RNF111: variants seen among roughly 807,000 people sequenced by gnomAD.
RNF111 encodes the protein E3 ubiquitin-protein ligase Arkadia.
In RNF111, 17 loss-of-function variants were observed where a neutral mutation model predicts 95.1. The observed-to-expected ratio is 0.18, with a 90% confidence interval of 0.12 to 0.27. The LOEUF is 0.27. Among genes scored for constraint, RNF111 ranks in the 10% least tolerant of loss-of-function variants. RNF111 has a pLI of 1.00. For missense variants in RNF111, 1,189 were observed against 1,210.4 expected (o/e 0.98, Z 0.26); for synonymous variants, 440 against 414.8 (o/e 1.06, Z -0.74).
At position 59,096,924 on chromosome 15, in the gene RNF111, T is replaced by G. The variant is rs1342459243; in HGVS notation, c.*2024T>G. 2 of 152,224 alleles carry G rather than the reference T, an allele frequency of 1.3e-5. No individual in the cohort carries two copies. The highest frequency in any genetic ancestry group is 2.9e-5 in the Non-Finnish European group (2 of 68,048). The allele number at this position is 152,224 out of a possible 1,614,324, so 9.4% of individuals were successfully genotyped here. ...AGTAAAGCACAGGTGGATTTCTCTA[T>G]TTTTGAATACTACATCAGATTTAGA... On this transcript the variant is annotated 3_prime_UTR_variant, in exon 14 of 14. Coordinates refer to ENST00000348370, the MANE Select transcript of RNF111 (RefSeq NM_017610.8).
At chr15:59,020,092 A>G (rs1343016201) in intron 1 of RNF111, among the ~76,000 whole-genome samples, 1 of 148,806 alleles carries the variant, frequency 6.7e-6, no homozygotes, top group East Asian at 1.9e-4. Context: ...ATTTTGTGTT[A>G]TATAAGATAT....
At chr15:59,059,962 G>C (rs17236411) in intron 5 of RNF111, among the ~76,000 whole-genome samples, 1,888 of 152,238 alleles carry the variant, frequency 0.012, 28 homozygotes, top group East Asian at 0.043. Context: ...ACATCTAGCA[G>C]ATTAGAAAAC....
intron 1 of RNF111, among the ~76,000 whole-genome samples, chr15:58,991,527 T>C (rs1256926345): frequency 3.9e-5 from 6 of 152,160 alleles, no homozygotes; most frequent in African/African-American, 1.4e-4. Context: ...AATAGGACCA[T>C]GTGATACGGC....
In RNF111 at chr15:59,031,182, A is replaced by G. The variant is rs2141763125; in HGVS notation, c.360A>G (p.Gln120=). Residue 120 remains glutamine, a synonymous_variant, in exon 2 of 14, where the codon CAA becomes CAG. Transcript: ENST00000348370. The part of the protein sequence containing the change: ...KENQGILGLR[Q]HLGTPSDEDN... ...ACCAGGGAATATTAGGACTGAGGCA[A>G]CACCTAGGGACACCAAGTGATGAAG... is the stretch of plus-strand genomic sequence containing the variant. 1 of 1,614,164 alleles carries G rather than the reference A, an allele frequency of 6.2e-7. No homozygotes were observed. Among genetic ancestry groups the G allele is most frequent in the Non-Finnish European group, 8.5e-7 (1 of 1,180,012 alleles).
intron 1 of RNF111, among the ~76,000 whole-genome samples, chr15:58,997,374 C>T (rs1193144415): frequency 6.6e-6 from 1 of 152,118 alleles, no homozygotes; most frequent in Non-Finnish European, 1.5e-5. Context: ...TTCTATGTAA[C>T]TGATGTGAAC....
At chr15:58,996,895 A>C (rs928531881) in intron 1 of RNF111, among the ~76,000 whole-genome samples, 1 of 151,734 alleles carries the variant, frequency 6.6e-6, no homozygotes, top group Non-Finnish European at 1.5e-5. Context: ...TTCCTATGCA[A>C]CTCTCCTAAT....
intron 1 of RNF111, among the ~76,000 whole-genome samples, chr15:58,995,359 G>T (rs1018115251): frequency 2.6e-5 from 4 of 152,046 alleles, no homozygotes; most frequent in African/African-American, 9.7e-5. Context: ...TATTCAGTGG[G>T]TTAAATAACC....
rs2041472175 is a variant in RNF111 at position 59,041,932 on chromosome 15, ATTTCT to A, written c.880+10235_880+10239del. 3.7e-5 allele frequency among the ~76,000 whole-genome samples: 4 copies of A among 107,108 alleles called. 1 individual carries two copies. The South Asian group carries it at 1.1e-3, about 30-fold the overall frequency. 70.3% of individuals were successfully genotyped at this position (107,108 alleles called of 152,430 possible). A position where few individuals can be genotyped will look rare whatever the true frequency, so the allele number is the denominator to read the frequency against. ...GTTTTAAAAACTTTAGGTCATTTTC[ATTTCT>A]TTTCCTGTGATCAGTCTGTTCATAT... On this transcript the variant is annotated intron_variant, in intron 2 of 13. Coordinates refer to ENST00000348370, the MANE Select transcript of RNF111 (RefSeq NM_017610.8).
chr15:59,046,720 A>G (rs1354206899), intron 2 of RNF111, among the ~76,000 whole-genome samples: 1 of 152,230 alleles, frequency 6.6e-6, no homozygotes, highest in Non-Finnish European at 1.5e-5. Context: ...GAAGTTGCCA[A>G]TTTGAACATT....
intron 1 of RNF111, among the ~76,000 whole-genome samples, chr15:59,000,470 G>T (rs543485306): frequency 1.1e-4 from 16 of 152,160 alleles, no homozygotes; most frequent in African/African-American, 3.9e-4. Context: ...GCAGCACTTT[G>T]GGAGGCCGAG....
intron 9 of RNF111, among the ~76,000 whole-genome samples, chr15:59,084,975 A>G (rs1008125970): frequency 6.6e-6 from 1 of 152,020 alleles, no homozygotes; most frequent in Non-Finnish European, 1.5e-5. Context: ...GATTTGCTCC[A>G]CCACCCTCAC....
rs375108385 is a variant in RNF111, at chr15:59,066,961, C to A, written c.1564C>A (p.Pro522Thr). 1.8e-5 allele frequency: 29 copies of A among 1,614,030 alleles called. No homozygotes were observed. Among genetic ancestry groups the A allele is most frequent in the Non-Finnish European group, 2.3e-5 (27 of 1,180,042 alleles). Residue 522 changes from proline to threonine, a missense_variant, in exon 6 of 14, where the codon CCC (proline) becomes ACC (threonine). Pro to Thr is a conservative substitution (Grantham distance 38). Transcript: ENST00000348370. ...FQHHHHHHHT[P>T]HPAVPVSPSF... is the part of the protein sequence containing the mutation. The stretch of plus-strand genomic sequence containing the variant: ...ACATCATCACCACCACCACCATACT[C>A]CCCACCCAGCTGTCCCAGTTTCTCC...
Position 59,077,612 on chromosome 15 carries a change from G to A in RNF111, c.1948+1397G>A, listed in dbSNP as rs187148007. On this transcript the variant is annotated intron_variant, in intron 7 of 13. Coordinates refer to ENST00000348370, the MANE Select transcript of RNF111 (RefSeq NM_017610.8). ...TTAGCACATAAAAATCTAGCTCATT[G>A]GTTTTTAATACCCCCATAATATCCA... Among the ~76,000 whole-genome samples the A allele has an allele frequency of 2.6e-5, 4 of 152,124 alleles. No individual in the cohort carries two copies. The East Asian group carries it at 7.7e-4, about 29-fold the overall frequency.
At chr15:58,993,034 G>A (rs1417846615) in intron 1 of RNF111, among the ~76,000 whole-genome samples, 1 of 151,256 alleles carries the variant, frequency 6.6e-6, no homozygotes, top group African/African-American at 2.4e-5. Flanking sequence ...GCCGGGCATG[G>A]TGGCGGGTGC....
intron 2 of RNF111, among the ~76,000 whole-genome samples, chr15:59,035,669 C>A (rs2041142907): frequency 6.6e-6 from 1 of 152,212 alleles, no homozygotes; most frequent in South Asian, 2.1e-4. Flanking sequence ...TACCCTAAAT[C>A]ATCTCTCTCA....
chr15:59,096,675 A>G lies in RNF111; in HGVS notation c.*1775A>G, dbSNP rs552591377. 1 of 152,348 alleles carries G rather than the reference A, an allele frequency of 6.6e-6. No homozygotes were observed. The highest frequency in any genetic ancestry group is 2.1e-4 in the South Asian group (1 of 4,828). The allele number at this position is 152,348 out of a possible 1,614,324, so 9.4% of individuals were successfully genotyped here. On this transcript the variant is annotated 3_prime_UTR_variant, in exon 14 of 14. Coordinates refer to ENST00000348370, the MANE Select transcript of RNF111 (RefSeq NM_017610.8). ...TTTAAAGAGCATACCTTATGATTAA[A>G]CCGAGGTTATAGAAGGTCAGGGGAG...
At chr15:59,061,947 C>A (rs752409820) in intron 5 of RNF111, among the ~76,000 whole-genome samples, 2 of 152,156 alleles carry the variant, frequency 1.3e-5, no homozygotes, top group Admixed American at 6.5e-5. Context: ...TCTCATCCCC[C>A]CTTTCACTAG....
chr15:59,036,291 CAA>C (rs1204460395), intron 2 of RNF111, among the ~76,000 whole-genome samples: 4 of 152,134 alleles, frequency 2.6e-5, no homozygotes, highest in African/African-American at 9.7e-5. Context: ...CTCCTGGCCT[CAA>C]GAGATCCGCT....
chr15:59,036,356 C>A (rs553580901), intron 2 of RNF111, among the ~76,000 whole-genome samples: 1 of 152,064 alleles, frequency 6.6e-6, no homozygotes, highest in African/African-American at 2.4e-5. Context: ...CCACCGCACC[C>A]GGCCAAGACT....
Sources: allele counts gnomAD v4.1 joint callset (sites outside exome capture counted in the v4.1 genomes callset), GRCh38; gene constraint gnomAD v4.1.1; transcripts MANE v1.5; gene names NCBI Gene and HGNC (gene_info 2026-07-23, HGNC 2026-07-21).